The following P3H2 variants were observed in gnomAD, a reference collection of about 807,000 sequenced individuals.
P3H2 encodes leprecan-like 1.
Under a neutral mutation model 87.0 loss-of-function variants are expected in P3H2, and 80 were observed. That is an observed-to-expected ratio of 0.92 (90% CI 0.77 to 1.11). The LOEUF (loss-of-function observed/expected upper bound fraction) is 1.11, where lower values mean the gene tolerates loss of function less well. P3H2 is among the 50% of genes least tolerant of loss of function. The pLI, the probability that P3H2 is intolerant of heterozygous loss-of-function variation, is 0.00. For synonymous variants in P3H2, 367 were observed against 359.3 expected (o/e 1.02, Z -0.24); for missense variants, 1,001 against 923.9 (o/e 1.08, Z -1.08).
intron 1 of P3H2, among the ~76,000 whole-genome samples, chr3:190,082,482 G>A (rs546748966): frequency 6.6e-6 from 1 of 152,118 alleles, no homozygotes; most frequent in Non-Finnish European, 1.5e-5. Context: ...ATGATATTTT[G>A]ATATATGTAC....
rs568935533 is a variant in P3H2 at position 189,957,867 on chromosome 3, A to G, written c.*45T>C. ...ACAAAAATAAAAAGGTTCTCATAAG[A>G]TTAACAATTTAAATAAATATTTGAT... On this transcript the variant is annotated 3_prime_UTR_variant, in exon 15 of 15. Coordinates refer to ENST00000319332, the MANE Select transcript of P3H2 (RefSeq NM_018192.4). 1.5e-6 allele frequency: 2 copies of G among 1,341,376 alleles called. No individual in the cohort carries two copies. The highest frequency in any genetic ancestry group is 2.1e-6 in the Non-Finnish European group (2 of 934,386). 83.1% of individuals were successfully genotyped at this position (1,341,376 alleles called of 1,614,324 possible). A position where few individuals can be genotyped will look rare whatever the true frequency, so the allele number is the denominator to read the frequency against.
At chr3:190,029,178 C>T (rs1250677683) in intron 1 of P3H2, among the ~76,000 whole-genome samples, 1 of 152,154 alleles carries the variant, frequency 6.6e-6, no homozygotes, top group Non-Finnish European at 1.5e-5. Flanking sequence ...GTTTGGAGCT[C>T]TCAATATCTG....
intron 1 of P3H2, among the ~76,000 whole-genome samples, chr3:190,069,569 T>G (rs1726627546): frequency 6.6e-6 from 1 of 152,204 alleles, no homozygotes. Context: ...CATGTTTATC[T>G]CTGTGTGTTA....
At chr3:190,071,418 T>C (rs1170923955) in intron 1 of P3H2, among the ~76,000 whole-genome samples, 2 of 152,234 alleles carry the variant, frequency 1.3e-5, no homozygotes, top group Non-Finnish European at 2.9e-5. Context: ...TAGAAACATG[T>C]AAATCCAATC....
At position 189,973,958 on chromosome 3, in the gene P3H2, T is replaced by C. The variant is rs1258475747; in HGVS notation, c.1499A>G (p.His500Arg). 2 of 1,614,040 alleles carry C rather than the reference T, an allele frequency of 1.2e-6. No homozygotes were observed. Among genetic ancestry groups the C allele is most frequent in the African/African-American group, 1.3e-5 (1 of 74,922 alleles). The part of the protein sequence containing the change: ...GDGYRGKTSP[H>R]TPNEKFEGAT... Reference sequence around the variant, plus strand: ...ACCTTCAAACTTTTCATTGGGTGTATGGGGTGAAGTTTTTCCTCTGTATCC... The same window carrying C: ...ACCTTCAAACTTTTCATTGGGTGTACGGGGTGAAGTTTTTCCTCTGTATCC... Residue 500 changes from histidine to arginine, a missense_variant, in exon 10 of 15, where the codon CAT becomes CGT. Transcript: ENST00000319332.
chr3:189,996,014 T>C (rs1033269886), intron 1 of P3H2, among the ~76,000 whole-genome samples: 5 of 152,178 alleles, frequency 3.3e-5, no homozygotes, highest in African/African-American at 1.2e-4. Flanking sequence ...TTGGTAGGAA[T>C]ATAAATTAGC....
At chr3:189,969,388 C>A (rs750747573) in intron 13 of P3H2, 1 of 797,948 alleles carries the variant, frequency 1.3e-6, no homozygotes, top group African/African-American at 1.7e-5. Flanking sequence ...TCACCAGAGT[C>A]CTAGCTTCTT....
intron 1 of P3H2, among the ~76,000 whole-genome samples, chr3:190,089,688 T>C (rs1727347327): frequency 6.6e-6 from 1 of 152,180 alleles, no homozygotes; most frequent in African/African-American, 2.4e-5. Flanking sequence ...ATCTGAGACA[T>C]GGGAGGGCAA....
intron 1 of P3H2, among the ~76,000 whole-genome samples, chr3:190,014,479 G>A (rs997173115): frequency 2.6e-5 from 4 of 152,222 alleles, no homozygotes; most frequent in African/African-American, 7.2e-5. Flanking sequence ...TAAAGCAATC[G>A]TAACTGATGA....
intron 1 of P3H2, among the ~76,000 whole-genome samples, chr3:190,055,737 A>G (rs145715615): frequency 1.5e-3 from 234 of 152,326 alleles, no homozygotes; most frequent in African/African-American, 5.3e-3. Flanking sequence ...ACAGAATACA[A>G]TATCATTCTC....
intron 1 of P3H2, among the ~76,000 whole-genome samples, chr3:190,112,450 G>A (rs1712106662): frequency 2.0e-5 from 3 of 152,056 alleles, no homozygotes; most frequent in Admixed American, 1.3e-4. Flanking sequence ...TATCTATGAC[G>A]GTTTATCAGA....
chr3:190,121,687 A>G (rs938514), upstream of P3H2: 2,186 of 152,326 alleles, frequency 0.014, 76 homozygotes, highest in South Asian at 0.13. Flanking sequence ...CTGTACTCGC[A>G]TTCTGGCTCC....
intron 1 of P3H2, among the ~76,000 whole-genome samples, chr3:190,027,565 C>A (rs950363164): frequency 1.0e-4 from 15 of 150,192 alleles, no homozygotes; most frequent in African/African-American, 3.7e-4. Flanking sequence ...GTTGTATTTT[C>A]ACTAAAATAA....
chr3:190,007,965 C>CACACACACACACACATATATAT, intron 1 of P3H2, among the ~76,000 whole-genome samples: 77 of 94,326 alleles, frequency 8.2e-4, no homozygotes, highest in African/African-American at 2.7e-3. Flanking sequence ...TGTTGACACA[C>CACACACACACACACATATATAT]ATATATATAT....
At chr3:190,072,067 C>T (rs1252571467) in intron 1 of P3H2, among the ~76,000 whole-genome samples, 1 of 150,974 alleles carries the variant, frequency 6.6e-6, no homozygotes, top group Non-Finnish European at 1.5e-5. Flanking sequence ...CCGCAACCTC[C>T]ACCTCCCAGG....
In P3H2 at chr3:190,120,509, G is replaced by T; in HGVS notation, c.223C>A (p.Arg75=). ...RDLEAALRSH[R]RLREIRTRCA... ...CGCGTGCGGATTTCCCGCAGGCGCC[G>T]GTGGCTGCGCAGCGCCGCTTCCAAG... The change falls in exon 1 of 15, where the codon CGG becomes AGG. Residue 75 remains arginine (R), a synonymous_variant. Transcript: ENST00000319332. The T allele has an allele frequency of 6.8e-7, 1 of 1,470,978 alleles. No individual in the cohort carries two copies. 91.1% of individuals were successfully genotyped at this position (1,470,978 alleles called of 1,614,324 possible). A position where few individuals can be genotyped will look rare whatever the true frequency, so the allele number is the denominator to read the frequency against.
chr3:189,971,813 A>T (rs1358633539), intron 12 of P3H2, 77 bp downstream of exon 12: 31 of 894,964 alleles, frequency 3.5e-5, no homozygotes, highest in Non-Finnish European at 5.7e-5. Flanking sequence ...GTCAAGCAAA[A>T]CAGAGCACCT....
chr3:190,065,800 T>C (rs1726479260), intron 1 of P3H2, among the ~76,000 whole-genome samples: 1 of 152,124 alleles, frequency 6.6e-6, no homozygotes, highest in East Asian at 1.9e-4. Context: ...TAATCTATAA[T>C]TTATAAAAGT....
chr3:190,055,992 G>C (rs1025071275), intron 1 of P3H2, among the ~76,000 whole-genome samples: 1 of 152,146 alleles, frequency 6.6e-6, no homozygotes, highest in African/African-American at 2.4e-5. Context: ...GGGATACTAA[G>C]GAAGTACTTC....
Sources: allele counts gnomAD v4.1 joint callset (sites outside exome capture counted in the v4.1 genomes callset), GRCh38; gene constraint gnomAD v4.1.1; transcripts MANE v1.5; gene names NCBI Gene and HGNC (gene_info 2026-07-23, HGNC 2026-07-21).